Variants in RIOK2 observed in about 807,000 individuals in gnomAD.
RIOK2 encodes the protein RIO kinase 2.
A neutral mutation model predicts 62.4 loss-of-function variants in RIOK2; 46 were observed. The observed-to-expected ratio is 0.74, with a 90% CI of 0.58 to 0.94. The LOEUF (loss-of-function observed/expected upper bound fraction) is 0.94, where lower values mean the gene tolerates loss of function less well. Ranked by LOEUF, RIOK2 falls within the 40% of genes least tolerant of loss-of-function variation. The pLI is 0.00. For synonymous variants in RIOK2, 197 were observed against 216.0 expected, an observed-to-expected ratio of 0.91 and a Z score of 0.77; for missense variants, 574 against 658.0, an observed-to-expected ratio of 0.87 and a Z score of 1.40.
In RIOK2 at chr5:97,177,096, C is replaced by T. The variant is rs1166473022; in HGVS notation, c.498+20G>A. The T allele has an allele frequency of 1.3e-6, 2 of 1,599,200 alleles. No individual in the cohort carries two copies. The highest frequency in any genetic ancestry group is 1.7e-6 in the Non-Finnish European group (2 of 1,174,552). ...TATTATTTGGCTAAAAAATGCATGA[C>T]TACAAAATAAAATAAATACCTTCAT... On this transcript the variant is annotated intron_variant, in intron 4 of 9. Coordinates refer to ENST00000283109, the MANE Select transcript of RIOK2 (RefSeq NM_018343.3).
In RIOK2 at chr5:97,167,550, G is replaced by A. The variant is rs1194332271; in HGVS notation, c.1314C>T (p.Val438=). The change falls in exon 8 of 10, where the codon GTC becomes GTT. Residue 438 remains valine (V), a synonymous_variant. Coordinates refer to ENST00000283109, the MANE Select transcript of RIOK2 (RefSeq NM_018343.3). The stretch of plus-strand genomic sequence containing the variant: ...CTTCATACTCGTCAGAGCCAGCAGG[G>A]ACTCCTCCTTGAACTCTCTGACCAT... ...RQDGQRVQGG[V]PAGSDEYEDE... 9 of 1,614,044 alleles carry A rather than the reference G, an allele frequency of 5.6e-6. No homozygotes were observed. The highest frequency in any genetic ancestry group is 7.6e-6 in the Non-Finnish European group (9 of 1,180,010).
intron 5 of RIOK2, among the ~76,000 whole-genome samples, chr5:97,172,190 T>G (rs1190845634): frequency 2.6e-5 from 4 of 152,214 alleles, no homozygotes; most frequent in Admixed American, 6.5e-5. Context: ...TCTAGGTTAA[T>G]GGTTTAAATA....
chr5:97,178,988 T>C, intron 2 of RIOK2, 67 bp downstream of exon 2: 2 of 1,590,392 alleles, frequency 1.3e-6, no homozygotes, highest in Non-Finnish European at 1.7e-6. Context: ...TTCTTGACTT[T>C]TGGAACACTT....
chr5:97,180,002 T>TA (rs1561522072), intron 1 of RIOK2, among the ~76,000 whole-genome samples: 26 of 55,960 alleles, frequency 4.6e-4, no homozygotes, highest in African/African-American at 1.5e-3. Flanking sequence ...AATATATATA[T>TA]ATTATATATA....
chr5:97,165,463 G>A (rs1748819926), intron 8 of RIOK2, among the ~76,000 whole-genome samples: 1 of 151,922 alleles, frequency 6.6e-6, no homozygotes, highest in Non-Finnish European at 1.5e-5. Flanking sequence ...TTCTTTCACT[G>A]AACTATATAA....
chr5:97,180,022 T>TATATAATATATATATAATATATATATA (rs1749323181), intron 1 of RIOK2, among the ~76,000 whole-genome samples: 1 of 70,498 alleles, frequency 1.4e-5, no homozygotes. Flanking sequence ...ATATAATATA[T>TATATAATATATATATAATATATATATA]ATATAATATA....
intron 4 of RIOK2, among the ~76,000 whole-genome samples, chr5:97,176,838 C>T (rs978728125): frequency 2.0e-5 from 3 of 152,260 alleles, no homozygotes; most frequent in Non-Finnish European, 4.4e-5. Context: ...TGTGAGGTAA[C>T]AGCATCATTA....
In RIOK2 at chr5:97,167,708, C is replaced by T. The variant is rs772219956; in HGVS notation, c.1156G>A (p.Ala386Thr). 3 of 1,614,072 alleles carry T rather than the reference C, an allele frequency of 1.9e-6. No individual in the cohort carries two copies. In the African/African-American group the frequency reaches 4.0e-5, roughly 22 times the overall value. Residue 386 changes from alanine (A) to threonine (T), a missense_variant, in exon 8 of 10, where the codon GCT becomes ACT. Transcript: ENST00000283109. ...GTCATTTCAAAACTCCGTGCATCAG[C>T]ACTCTCTTCTGATAAACTGTCTTCC... ...IKEDSLSEES[A>T]DARSFEMTEF...
At chr5:97,170,685 A>G (rs2112832326) in intron 6 of RIOK2, among the ~76,000 whole-genome samples, 1 of 152,366 alleles carries the variant, frequency 6.6e-6, no homozygotes, top group African/African-American at 2.4e-5. Context: ...AGAGAAATTC[A>G]AATTCTTATG....
intron 4 of RIOK2, among the ~76,000 whole-genome samples, chr5:97,176,469 G>A (rs1749164795): frequency 6.6e-6 from 1 of 152,112 alleles, no homozygotes; most frequent in African/African-American, 2.4e-5. Context: ...AGTCTCCCAA[G>A]TAGCTGGGAT....
At chr5:97,178,317 T>TATGTTCTTCTGCAGTACCTAC (rs1749226383) in intron 2 of RIOK2, among the ~76,000 whole-genome samples, 1 of 147,440 alleles carries the variant, frequency 6.8e-6, no homozygotes, top group Non-Finnish European at 1.5e-5. Flanking sequence ...CTTTATCCTA[T>TATGTTCTTCTGCAGTACCTAC]ATGCTCTTCT....
At chr5:97,172,941 T>C (rs1176475752) in intron 5 of RIOK2, among the ~76,000 whole-genome samples, 2 of 152,210 alleles carry the variant, frequency 1.3e-5, no homozygotes, top group African/African-American at 4.8e-5. Context: ...AGATTAAAAG[T>C]TCCTGGCACC....
At chr5:97,169,472 T>C (rs1748936657) in intron 6 of RIOK2, among the ~76,000 whole-genome samples, 1 of 152,172 alleles carries the variant, frequency 6.6e-6, no homozygotes, top group African/African-American at 2.4e-5. Flanking sequence ...GCTGCCTTTT[T>C]GGGCCACCAC....
rs1187045065 is a variant in RIOK2, at chr5:97,180,031, T to A, written c.67-838A>T. 4.2e-5 allele frequency among the ~76,000 whole-genome samples: 3 copies of A among 71,424 alleles called. 1 individual carries two copies. Among genetic ancestry groups the A allele is most frequent in the Non-Finnish European group, 7.9e-5 (3 of 37,872 alleles). 46.9% of individuals were successfully genotyped at this position (71,424 alleles called of 152,430 possible). Reference sequence around the variant, plus strand: ...ATATATATATAATATATATATAATATATATATTATATATATATTTTTAAAT... The same window carrying A: ...ATATATATATAATATATATATAATAAATATATTATATATATATTTTTAAAT... On this transcript the variant is annotated intron_variant, in intron 1 of 9. Coordinates refer to ENST00000283109, the MANE Select transcript of RIOK2 (RefSeq NM_018343.3).
chr5:97,168,833 T>A lies in RIOK2; in HGVS notation c.799A>T (p.Lys267Ter), dbSNP rs749608925. Residue 267 changes from lysine to a stop codon, truncating the protein, a stop_gained, in exon 7 of 10, where the codon AAA (lysine) becomes TAA (stop). Coordinates refer to ENST00000283109, the MANE Select transcript of RIOK2 (RefSeq NM_018343.3). LOFTEE classifies it high-confidence loss of function. Reference sequence around the variant, plus strand: ...TTCATAAAGAAATCTTTAATGCATTTAACATCTCTGTCAAAATACCTGCAA... The same window carrying A: ...TTCATAAAGAAATCTTTAATGCATTAAACATCTCTGTCAAAATACCTGCAA... ...NAEWYFDRDV[K>*]CIKDFFMKRF... 1 of 1,589,740 alleles carries A rather than the reference T, an allele frequency of 6.3e-7. No homozygotes were observed. The highest frequency in any genetic ancestry group is 8.5e-7 in the Non-Finnish European group (1 of 1,171,176).
chr5:97,177,256 A>C lies in RIOK2; in HGVS notation c.358T>G (p.Phe120Val). 1 of 1,612,750 alleles carries C rather than the reference A, an allele frequency of 6.2e-7. No homozygotes were observed. The highest frequency in any genetic ancestry group is 8.5e-7 in the Non-Finnish European group (1 of 1,179,640). ...YIVANEEGQQ[F>V]ALKLHRLGRT... ...CCTAGTCTGTGAAGCTTTAATGCAAATTGTTGTCCTTCTTCATTTGCAACA... is the reference window on the plus strand; with the variant it reads ...CCTAGTCTGTGAAGCTTTAATGCAACTTGTTGTCCTTCTTCATTTGCAACA... The change falls in exon 4 of 10, where the codon TTT becomes GTT. Residue 120 changes from phenylalanine to valine, a missense_variant. Physicochemically the swap from Phe to Val is conservative, Grantham distance 50. Coordinates refer to ENST00000283109, the MANE Select transcript of RIOK2 (RefSeq NM_018343.3).
intron 4 of RIOK2, among the ~76,000 whole-genome samples, chr5:97,175,485 A>C (rs746165114): frequency 6.6e-6 from 1 of 152,212 alleles, no homozygotes; most frequent in Admixed American, 6.5e-5. Flanking sequence ...TTCCATTCCT[A>C]TACCTTCAAT....
intron 5 of RIOK2, among the ~76,000 whole-genome samples, chr5:97,171,672 T>TCTCA (rs1749013301): frequency 1.3e-5 from 2 of 152,178 alleles, no homozygotes; most frequent in African/African-American, 4.8e-5. Context: ...CCTCCTACTC[T>TCTCA]CTCATACCAT....
chr5:97,180,120 G>GTATATGTATATATA lies in RIOK2; in HGVS notation c.67-941_67-928dup, dbSNP rs1561522356. 1.6e-3 allele frequency among the ~76,000 whole-genome samples: 51 copies of GTATATGTATATATA among 32,120 alleles called. 1 individual carries two copies. Among genetic ancestry groups the GTATATGTATATATA allele is most frequent in the South Asian group, 2.2e-3 (2 of 902 alleles). 21.1% of individuals were successfully genotyped at this position (32,120 alleles called of 152,430 possible). A position where few individuals can be genotyped will look rare whatever the true frequency, so the allele number is the denominator to read the frequency against. On this transcript the variant is annotated intron_variant, in intron 1 of 9. Transcript: ENST00000283109. ...CTATCCTACATGCTCTTCTGCATGT[G>GTATATGTATATATA]TATATGTATATATATATATATGTAT...
Sources: allele counts gnomAD v4.1 joint callset (sites outside exome capture counted in the v4.1 genomes callset), GRCh38; gene constraint gnomAD v4.1.1; transcripts MANE v1.5; gene names NCBI Gene and HGNC (gene_info 2026-07-23, HGNC 2026-07-21).